RSBN1L: variants seen among roughly 807,000 people sequenced by gnomAD.
RSBN1L encodes the protein lysine-specific demethylase RSBN1L.
A neutral mutation model predicts 67.7 loss-of-function variants in RSBN1L; 30 were observed. That is an observed-to-expected ratio of 0.44 (90% CI 0.33 to 0.60). RSBN1L has a LOEUF of 0.60. Among genes scored for constraint, RSBN1L ranks in the 20% least tolerant of loss-of-function variants. The pLI is 0.02. For synonymous variants in RSBN1L, 433 were observed against 387.0 expected (o/e 1.12, Z -1.39); for missense variants, 992 against 1,031.7 (o/e 0.96, Z 0.53).
chr7:77,740,980 CTTTTCTTTTT>C (rs1398523289), intron 2 of RSBN1L, among the ~76,000 whole-genome samples: 1 of 131,810 alleles, frequency 7.6e-6, no homozygotes, highest in Non-Finnish European at 1.6e-5. Context: ...TTTTTCTTTT[CTTTTCTTTTT>C]TTTTTTTTTT....
At chr7:77,758,818 A>G (rs1283157777) in intron 3 of RSBN1L, among the ~76,000 whole-genome samples, 1 of 152,176 alleles carries the variant, frequency 6.6e-6, no homozygotes, top group African/African-American at 2.4e-5. Context: ...ATAAAATAGG[A>G]ATTTTCTCTG....
At chr7:77,702,781 C>T (rs568765503) in intron 1 of RSBN1L, among the ~76,000 whole-genome samples, 1 of 152,304 alleles carries the variant, frequency 6.6e-6, no homozygotes, top group Non-Finnish European at 1.5e-5. Flanking sequence ...CTGGTAAGGG[C>T]TCTTTTCCTG....
At chr7:77,711,381 C>A (rs1790971976) in intron 1 of RSBN1L, among the ~76,000 whole-genome samples, 1 of 150,050 alleles carries the variant, frequency 6.7e-6, no homozygotes, top group Non-Finnish European at 1.5e-5. Flanking sequence ...TTGCTGTCAC[C>A]CAGGCCGGAG....
At chr7:77,766,115 G>T (rs768097621) in intron 4 of RSBN1L, among the ~76,000 whole-genome samples, 7 of 152,118 alleles carry the variant, frequency 4.6e-5, no homozygotes, top group Non-Finnish European at 1.0e-4. Flanking sequence ...ATCTGGGTTG[G>T]GCAAGCCCTT....
At chr7:77,712,793 CT>C (rs1428534276) in intron 1 of RSBN1L, among the ~76,000 whole-genome samples, 3 of 132,026 alleles carry the variant, frequency 2.3e-5, no homozygotes, top group Non-Finnish European at 4.7e-5. Context: ...ATTCTTTTTT[CT>C]GTTGTAAATG....
At position 77,749,957 on chromosome 7, in the gene RSBN1L, G is replaced by T; in HGVS notation, c.1237G>T (p.Asp413Tyr). The part of the protein sequence containing the change: ...IVHGAATYLP[D>Y]FLDYFSFNFP... ...TCATGGGGCAGCTACTTATTTACCT[G>T]ACTTTTTAGACTATTTTTCATTTAA... Residue 413 changes from aspartate to tyrosine, a missense_variant, in exon 3 of 8, where the codon GAC (aspartate) becomes TAC (tyrosine). Asp to Tyr is a radical substitution (Grantham distance 160). Transcript: ENST00000334955. The T allele has an allele frequency of 6.2e-7, 1 of 1,613,814 alleles. No homozygotes were observed. Among genetic ancestry groups the T allele is most frequent in the South Asian group, 1.1e-5 (1 of 90,996 alleles).
intron 2 of RSBN1L, among the ~76,000 whole-genome samples, chr7:77,736,938 G>A (rs1412274389): frequency 6.6e-6 from 1 of 152,168 alleles, no homozygotes; most frequent in Non-Finnish European, 1.5e-5. Flanking sequence ...CCATACCATA[G>A]TCTAGCATTT....
chr7:77,720,478 G>A (rs1457228823), intron 1 of RSBN1L, among the ~76,000 whole-genome samples: 1 of 152,076 alleles, frequency 6.6e-6, no homozygotes, highest in African/African-American at 2.4e-5. Context: ...AGAATCGCTT[G>A]AACCCGGGAG....
chr7:77,729,743 C>A (rs986585794), intron 1 of RSBN1L, among the ~76,000 whole-genome samples: 2 of 152,110 alleles, frequency 1.3e-5, no homozygotes, highest in South Asian at 4.1e-4. Flanking sequence ...TGTTTGAGCA[C>A]AGGAGTTTGA....
At chr7:77,699,710 A>G (rs748637461) in intron 1 of RSBN1L, among the ~76,000 whole-genome samples, 2 of 152,206 alleles carry the variant, frequency 1.3e-5, no homozygotes, top group Non-Finnish European at 2.9e-5. Context: ...ATCTAATCAT[A>G]GTACTGTAGC....
chr7:77,779,407 T>C lies in RSBN1L; in HGVS notation c.*239T>C, dbSNP rs1280941764. 2 of 232,730 alleles carry C rather than the reference T, an allele frequency of 8.6e-6. No homozygotes were observed. Among genetic ancestry groups the C allele is most frequent in the African/African-American group, 4.6e-5 (2 of 43,292 alleles). The allele number at this position is 232,730 out of a possible 1,614,324, so 14.4% of individuals were successfully genotyped here. On this transcript the variant is annotated 3_prime_UTR_variant, in exon 8 of 8. Coordinates refer to ENST00000334955, the MANE Select transcript of RSBN1L (RefSeq NM_198467.3). ...AGTCTTTAAAAAAAAATCATTTACGTTGGAATTTTAGGTTTTAGAATAGAG... is the reference window on the plus strand; with the variant it reads ...AGTCTTTAAAAAAAAATCATTTACGCTGGAATTTTAGGTTTTAGAATAGAG...
rs1340034113 is a variant in RSBN1L at position 77,696,941 on chromosome 7, C to T, written c.472C>T (p.Arg158Cys). The change falls in exon 1 of 8, where the codon CGC becomes TGC. Residue 158 changes from arginine to cysteine, a missense_variant. This residue lies in a region of RSBN1L where 575 missense variants were observed against 483.2 expected (regional missense o/e 1.19). Coordinates refer to ENST00000334955, the MANE Select transcript of RSBN1L (RefSeq NM_198467.3). ...AAAASANAKS[R>C]RPKEKREKER... is the part of the protein sequence containing the mutation. ...CGCTGCCTCGGCTAACGCCAAGTCGCGCAGACCTAAGGAGAAGCGGGAGAA... is the reference window on the plus strand; with the variant it reads ...CGCTGCCTCGGCTAACGCCAAGTCGTGCAGACCTAAGGAGAAGCGGGAGAA... 6.3e-7 allele frequency: 1 copy of T among 1,597,530 alleles called. No individual in the cohort carries two copies. The highest frequency in any genetic ancestry group is 1.3e-5 in the African/African-American group (1 of 74,898).
intron 1 of RSBN1L, among the ~76,000 whole-genome samples, chr7:77,730,258 A>G (rs1791257004): frequency 6.6e-6 from 1 of 152,180 alleles, no homozygotes; most frequent in Non-Finnish European, 1.5e-5. Context: ...GTTTTAGAGC[A>G]GCTTTTGGTT....
chr7:77,717,841 A>T (rs1791067880), intron 1 of RSBN1L, among the ~76,000 whole-genome samples: 1 of 152,158 alleles, frequency 6.6e-6, no homozygotes, highest in South Asian at 2.1e-4. Flanking sequence ...AACATGGTGA[A>T]ACCCTGTCTC....
chr7:77,741,029 C>T (rs1791403185), intron 2 of RSBN1L, among the ~76,000 whole-genome samples: 1 of 148,064 alleles, frequency 6.8e-6, no homozygotes, highest in African/African-American at 2.5e-5. Context: ...CTGTGATACC[C>T]AGTCTGGAGT....
In RSBN1L at chr7:77,760,703, G is replaced by A. The variant is rs1791687352; in HGVS notation, c.1345-4792G>A. Among the ~76,000 whole-genome samples, 3 of 152,028 alleles carry A rather than the reference G, an allele frequency of 2.0e-5. No homozygotes were observed. The South Asian group carries it at 6.2e-4, about 31-fold the overall frequency. On this transcript the variant is annotated intron_variant, in intron 3 of 7. Coordinates refer to ENST00000334955, the MANE Select transcript of RSBN1L (RefSeq NM_198467.3). ...GGCTGGAGTGCAGTGGTGCGATCTCGCTGGCTGCAACCTCCGCCTCCTGGG... is the reference window on the plus strand; with the variant it reads ...GGCTGGAGTGCAGTGGTGCGATCTCACTGGCTGCAACCTCCGCCTCCTGGG...
chr7:77,709,154 G>T (rs1052951380), intron 1 of RSBN1L, among the ~76,000 whole-genome samples: 1 of 52,372 alleles, frequency 1.9e-5, no homozygotes, highest in Non-Finnish European at 5.8e-5. Context: ...GATTCTGTTT[G>T]TGTGTGTGTG....
Position 77,782,930 on chromosome 7 carries a change from A to G in RSBN1L, c.*3762A>G, listed in dbSNP as rs573403033. 6.6e-6 allele frequency: 1 copy of G among 152,336 alleles called. No homozygotes were observed. Among genetic ancestry groups the G allele is most frequent in the African/African-American group, 2.4e-5 (1 of 41,590 alleles). The allele number at this position is 152,336 out of a possible 1,614,324, so 9.4% of individuals were successfully genotyped here. A position where few individuals can be genotyped will look rare whatever the true frequency, so the allele number is the denominator to read the frequency against. ...AAACAAATATCTCAAAATTCATTTT[A>G]CATTTAGCAAAGGTGCAACATTTGT... On this transcript the variant is annotated 3_prime_UTR_variant, in exon 8 of 8. Coordinates refer to ENST00000334955, the MANE Select transcript of RSBN1L (RefSeq NM_198467.3).
In RSBN1L at chr7:77,778,432, C is replaced by T; in HGVS notation, c.1888C>T (p.Pro630Ser). 6.2e-7 allele frequency: 1 copy of T among 1,609,692 alleles called. No individual in the cohort carries two copies. Among genetic ancestry groups the T allele is most frequent in the Non-Finnish European group, 8.5e-7 (1 of 1,177,836 alleles). ...ACGAATGCAGTTAGATTTACATGAA[C>T]CTCCACTGTCCCAGGTATTTTTAAT... ...VQRMQLDLHE[P>S]PLSQCVQWVD... The change falls in exon 7 of 8, where the codon CCT becomes TCT. Residue 630 changes from proline (P) to serine (S), a missense_variant. By Grantham distance (74) the Pro-to-Ser change is moderately conservative. Transcript: ENST00000334955.
Sources: allele counts gnomAD v4.1 joint callset (sites outside exome capture counted in the v4.1 genomes callset), GRCh38; gene constraint gnomAD v4.1.1; regional missense constraint gnomAD v4.1.1; transcripts MANE v1.5; gene names NCBI Gene and HGNC (gene_info 2026-07-23, HGNC 2026-07-21).